Variants in ANKH observed in about 807,000 individuals in gnomAD.
ANKH encodes ANKH inorganic pyrophosphate transport regulator.
A neutral mutation model predicts 49.0 loss-of-function variants in ANKH; 15 were observed. That is an observed-to-expected ratio of 0.31 (90% confidence interval 0.20 to 0.47). The LOEUF (loss-of-function observed/expected upper bound fraction) is 0.47, where lower values mean the gene tolerates loss of function less well. Ranked by LOEUF, ANKH falls within the 20% of genes least tolerant of loss-of-function variation. The pLI is 1.00. For synonymous variants in ANKH, 273 were observed against 260.0 expected, an observed-to-expected ratio of 1.05 and a Z score of -0.48; for missense variants, 429 against 652.0, an observed-to-expected ratio of 0.66 and a Z score of 3.72.
intron 8 of ANKH, among the ~76,000 whole-genome samples, chr5:14,721,886 T>A (rs544122559): frequency 8.0e-6 from 1 of 124,340 alleles, no homozygotes; most frequent in African/African-American, 3.1e-5. Context: ...GCTGAGATCA[T>A]GCCACTGCAC....
At position 14,737,676 on chromosome 5, in the gene ANKH, A is replaced by G. The variant is rs965437463; in HGVS notation, c.1011+4151T>C. 6.6e-6 allele frequency among the ~76,000 whole-genome samples: 1 copy of G among 152,238 alleles called. No homozygotes were observed. The highest frequency in any genetic ancestry group is 1.5e-5 in the Non-Finnish European group (1 of 68,044). On this transcript the variant is annotated intron_variant, in intron 8 of 11. Coordinates refer to ENST00000284268, the MANE Select transcript of ANKH (RefSeq NM_054027.6). The surrounding 1 kb of genome is among the most constrained non-coding windows in gnomAD (Gnocchi z 5.0). ...ACCCTGCACGCTTCCACGTGAAAGC[A>G]GACCCTCTGAAGCTGTTCTTCCAAA... is the stretch of plus-strand genomic sequence containing the variant.
chr5:14,871,328 G>T (rs1369842288), intron 1 of ANKH, 24 bp downstream of exon 1: 11 of 1,599,020 alleles, frequency 6.9e-6, no homozygotes, highest in African/African-American at 1.3e-5. Flanking sequence ...GCGAGCGGGC[G>T]TGGGGCGCGG....
At chr5:14,720,204 A>T (rs1050108913) in intron 8 of ANKH, among the ~76,000 whole-genome samples, 1 of 152,240 alleles carries the variant, frequency 6.6e-6, no homozygotes, top group South Asian at 2.1e-4. Flanking sequence ...CTGGCAAAGT[A>T]TATTCCACTG....
chr5:14,719,884 A>G (rs1276540730), intron 8 of ANKH, among the ~76,000 whole-genome samples: 1 of 152,224 alleles, frequency 6.6e-6, no homozygotes, highest in African/African-American at 2.4e-5. Flanking sequence ...AAATCCAACA[A>G]CATAACTTTG....
chr5:14,731,866 T>C (rs1387826000), intron 8 of ANKH, among the ~76,000 whole-genome samples: 3 of 152,180 alleles, frequency 2.0e-5, no homozygotes, highest in Admixed American at 6.5e-5. Flanking sequence ...ATTTCAGCAA[T>C]GCATACGGCC....
intron 1 of ANKH, chr5:14,869,940 C>A (rs1414096359): frequency 6.6e-6 from 1 of 152,084 alleles, no homozygotes; most frequent in Non-Finnish European, 1.5e-5. Context: ...CTAAAATGGG[C>A]AATGTAGTAA....
chr5:14,730,822 A>G (rs1019055273), intron 8 of ANKH, among the ~76,000 whole-genome samples: 2 of 152,118 alleles, frequency 1.3e-5, no homozygotes, highest in Non-Finnish European at 2.9e-5. Context: ...TGCGCCTTCC[A>G]AGAAGAGGTG....
intron 8 of ANKH, among the ~76,000 whole-genome samples, chr5:14,730,873 TACTGAA>T (rs974938721): frequency 5.3e-5 from 8 of 152,110 alleles, no homozygotes; most frequent in Non-Finnish European, 1.2e-4. Flanking sequence ...GCACTGTAAA[TACTGAA>T]ACTGTCTGTG....
chr5:14,763,657 T>C (rs1276049711), intron 2 of ANKH, among the ~76,000 whole-genome samples: 5 of 152,234 alleles, frequency 3.3e-5, no homozygotes, highest in Non-Finnish European at 5.9e-5. Context: ...CATCAAGACT[T>C]GGTGGAGTGG....
chr5:14,843,550 A>C (rs948093016), intron 1 of ANKH, among the ~76,000 whole-genome samples: 2 of 28,468 alleles, frequency 7.0e-5, no homozygotes, highest in African/African-American at 3.5e-4. Flanking sequence ...GGGATTAGCG[A>C]AAAAAAAAAA....
Position 14,755,938 on chromosome 5 carries a change from T to G in ANKH, c.439A>C (p.Thr147Pro). ...TGTTTTAAGAGAATGCCAGCATGGG[T>G]CCATGCCTGCCAGAAAGAAAAGAAT... ...AFPFMDAMAWTHAGILLKHKY... is the reference protein window; with the variant it reads ...AFPFMDAMAWPHAGILLKHKY... The change falls in exon 4 of 12, where the codon ACC becomes CCC. Residue 147 changes from threonine to proline, a missense_variant. Physicochemically the swap from Thr to Pro is conservative, Grantham distance 38. Coordinates refer to ENST00000284268, the MANE Select transcript of ANKH (RefSeq NM_054027.6). 6.2e-7 allele frequency: 1 copy of G among 1,613,866 alleles called. No homozygotes were observed. The highest frequency in any genetic ancestry group is 8.5e-7 in the Non-Finnish European group (1 of 1,179,790).
At chr5:14,721,742 A>G (rs528872231) in intron 8 of ANKH, among the ~76,000 whole-genome samples, 1 of 152,156 alleles carries the variant, frequency 6.6e-6, no homozygotes, top group African/African-American at 2.4e-5. Flanking sequence ...CATCCTGGCT[A>G]ACACGGTGAA....
chr5:14,733,813 G>A (rs561766114), intron 8 of ANKH, among the ~76,000 whole-genome samples: 4 of 152,326 alleles, frequency 2.6e-5, no homozygotes, highest in East Asian at 1.9e-4. Context: ...TGCTGGGCTC[G>A]GAAAGCCAAG....
rs112764271 is a variant in ANKH, at chr5:14,862,192, C to T, written c.96+9160G>A. ...TGGACGTTGCAGTGAGCTAAGACCA[C>T]GCCACTGCACTCTAGCCTGGGCAAC... is the stretch of plus-strand genomic sequence containing the variant. On this transcript the variant is annotated intron_variant, in intron 1 of 11. Coordinates refer to ENST00000284268, the MANE Select transcript of ANKH (RefSeq NM_054027.6). Among the ~76,000 whole-genome samples, 1,094 of 152,270 alleles carry T rather than the reference C, an allele frequency of 7.2e-3. 15 individuals are homozygous for T. Among genetic ancestry groups the T allele is most frequent in the African/African-American group, 0.024 (1,007 of 41,562 alleles).
At chr5:14,829,638 T>C (rs1055303231) in intron 1 of ANKH, among the ~76,000 whole-genome samples, 3 of 152,248 alleles carry the variant, frequency 2.0e-5, no homozygotes, top group African/African-American at 7.2e-5. Flanking sequence ...AGGCTAGGGC[T>C]GCCCAACCAC....
At position 14,712,020 on chromosome 5, in the gene ANKH, C is replaced by T. The variant is rs551395804; in HGVS notation, c.1366-710G>A. ...GCCACCTTTTCGATGTCCTGTCTCC[C>T]CTCTTTCCTCAGCTTACATGACATG... On this transcript the variant is annotated intron_variant, in intron 11 of 11. Transcript: ENST00000284268. Among the ~76,000 whole-genome samples, 15 of 152,366 alleles carry T rather than the reference C, an allele frequency of 9.8e-5. No homozygotes were observed. The East Asian group carries it at 2.3e-3, about 24-fold the overall frequency.
intron 4 of ANKH, among the ~76,000 whole-genome samples, chr5:14,752,749 A>G (rs1738761111): frequency 6.6e-6 from 1 of 151,720 alleles, no homozygotes; most frequent in Non-Finnish European, 1.5e-5. Flanking sequence ...TAGTCAACAG[A>G]GCAAAGATCA....
intron 8 of ANKH, among the ~76,000 whole-genome samples, chr5:14,724,763 C>T (rs891784186): frequency 6.6e-6 from 1 of 152,152 alleles, no homozygotes; most frequent in Non-Finnish European, 1.5e-5. Context: ...AACTCAGAAA[C>T]ATGCCAACCA....
chr5:14,752,333 CA>C (rs751947178), intron 4 of ANKH, among the ~76,000 whole-genome samples: 1 of 151,924 alleles, frequency 6.6e-6, no homozygotes, highest in South Asian at 2.1e-4. Flanking sequence ...AAAATGCTGC[CA>C]AAAAACACCA....
Sources: allele counts gnomAD v4.1 joint callset (sites outside exome capture counted in the v4.1 genomes callset), GRCh38; gene constraint gnomAD v4.1.1; non-coding constraint Gnocchi (gnomAD v3.1); transcripts MANE v1.5; gene names NCBI Gene and HGNC (gene_info 2026-07-23, HGNC 2026-07-21).